The following PPP1R26 variants were observed in gnomAD, a reference collection of about 807,000 sequenced individuals.
PPP1R26 encodes 1A6/DRIM (down-regulated in metastasis) interacting protein.
A neutral mutation model predicts 67.6 loss-of-function variants in PPP1R26; 22 were observed. The ratio of observed to expected loss-of-function variants is 0.33; its 90% confidence interval spans 0.23 to 0.46. The LOEUF is 0.46. Ranked by LOEUF, PPP1R26 falls within the 20% of genes least tolerant of loss-of-function variation. The probability of loss-of-function intolerance (pLI) is 1.00; values close to 1 mark genes in which losing one functional copy is unlikely to be tolerated. For missense variants in PPP1R26, 1,602 were observed against 1,651.4 expected (o/e 0.97, Z 0.52); for synonymous variants, 729 against 717.2 (o/e 1.02, Z -0.26).
Position 135,484,471 on chromosome 9 carries a change from A to C in PPP1R26, c.-40A>C. ...CAGGATGTGAAGCCGGTAGAGAAATAAAGCATCGCCCCTCTGCGCGCCCCT... is the reference window on the plus strand; with the variant it reads ...CAGGATGTGAAGCCGGTAGAGAAATCAAGCATCGCCCCTCTGCGCGCCCCT... On this transcript the variant is annotated 5_prime_UTR_variant, in exon 4 of 4. Transcript: ENST00000356818. 1.4e-6 allele frequency: 2 copies of C among 1,476,548 alleles called. No individual in the cohort carries two copies. Among genetic ancestry groups the C allele is most frequent in the Non-Finnish European group, 1.8e-6 (2 of 1,093,606 alleles). The allele number at this position is 1,476,548 out of a possible 1,614,324, so 91.5% of individuals were successfully genotyped here. A position where few individuals can be genotyped will look rare whatever the true frequency, so the allele number is the denominator to read the frequency against.
Position 135,488,134 on chromosome 9 carries a change from G to A in PPP1R26, c.3624G>A (p.Lys1208=), listed in dbSNP as rs532065554. 7.5e-5 allele frequency: 113 copies of A among 1,509,332 alleles called. No homozygotes were observed. The East Asian group carries it at 2.2e-3, about 29-fold the overall frequency. 93.5% of individuals were successfully genotyped at this position (1,509,332 alleles called of 1,614,324 possible). ...ACAGTGGCGGCAGCTCAGTAGTGAA[G>A]GTCTAAGCCCTCGAGCTGTGGGTTC... is the stretch of plus-strand genomic sequence containing the variant. ...TEDSGGSSVV[K]V is the part of the protein sequence containing the mutation. Residue 1208 remains lysine, a synonymous_variant, in exon 4 of 4, where the codon AAG becomes AAA. Transcript: ENST00000356818.
intron 2 of PPP1R26, 116 bp downstream of exon 2, chr9:135,482,931 T>C (rs1355962137): frequency 5.1e-6 from 2 of 390,152 alleles, no homozygotes; most frequent in Non-Finnish European, 9.0e-6. Flanking sequence ...TTACCCCTTT[T>C]GGGCTCACCT....
chr9:135,481,523 G>T (rs1398681564), intron 1 of PPP1R26, among the ~76,000 whole-genome samples: 1 of 146,372 alleles, frequency 6.8e-6, no homozygotes, highest in Non-Finnish European at 1.5e-5. Flanking sequence ...TTACAGGTGT[G>T]AGCCACTATC....
rs778894346 is a variant in PPP1R26 at position 135,485,788 on chromosome 9, G to T, written c.1278G>T (p.Lys426Asn). 17 of 1,612,456 alleles carry T rather than the reference G, an allele frequency of 1.1e-5. No homozygotes were observed. The South Asian group carries it at 1.9e-4, about 18-fold the overall frequency. ...CCCACAGGAAAACACCCAGCAAGAA[G>T]AAGCTAGTGGCCACCAAGACCATGG... ...PETHRKTPSKKKLVATKTMDP... is the reference protein window; with the variant it reads ...PETHRKTPSKNKLVATKTMDP... Residue 426 changes from lysine to asparagine, a missense_variant, in exon 4 of 4, where the codon AAG becomes AAT. Lys to Asn is a moderately conservative substitution (Grantham distance 94). Around this residue, in one of 5 missense-constraint regions of PPP1R26, gnomAD observed 680 missense variants for 726.1 expected, o/e 0.94. Coordinates refer to ENST00000356818, the MANE Select transcript of PPP1R26 (RefSeq NM_014811.5). The surrounding 1 kb of genome is among the most constrained non-coding windows in gnomAD (Gnocchi z 7.2).
At chr9:135,481,676 T>C (rs1363798460) in intron 1 of PPP1R26, among the ~76,000 whole-genome samples, 1 of 151,800 alleles carries the variant, frequency 6.6e-6, no homozygotes, top group Non-Finnish European at 1.5e-5. Flanking sequence ...TGGAGTGCAG[T>C]GGCGCGATCT....
intron 3 of PPP1R26, 31 bp from the exon 4 acceptor site, chr9:135,484,418 C>A: frequency 1.7e-6 from 2 of 1,198,786 alleles, no homozygotes; most frequent in Non-Finnish European, 1.2e-6. Flanking sequence ...TTTGTAGCTG[C>A]ATCATGCCCA....
chr9:135,481,421 A>G (rs1021396146), intron 1 of PPP1R26, among the ~76,000 whole-genome samples: 5 of 151,664 alleles, frequency 3.3e-5, no homozygotes, highest in Middle Eastern at 3.4e-3. Flanking sequence ...ATGTGTTTTT[A>G]GTAGAGATGG....
chr9:135,487,947 C>T lies in PPP1R26; in HGVS notation c.3437C>T (p.Thr1146Ile), dbSNP rs1830822661. The stretch of plus-strand genomic sequence containing the variant: ...AAGAAGGACGGCGGCCCCTGGCCAA[C>T]CAGGAAGGCACAGGCAGGGCTGAGT... ...LAKKDGGPWP[T>I]RKAQAGLSLH... The change falls in exon 4 of 4, where the codon ACC (threonine) becomes ATC (isoleucine). Residue 1146 changes from threonine to isoleucine, a missense_variant. Transcript: ENST00000356818. 6.3e-7 allele frequency: 1 copy of T among 1,591,572 alleles called. No homozygotes were observed. The highest frequency in any genetic ancestry group is 1.4e-5 in the African/African-American group (1 of 73,994).
chr9:135,487,841 C>T lies in PPP1R26; in HGVS notation c.3331C>T (p.Leu1111=). Reference sequence around the variant, plus strand: ...CTTCAGCCCCCACCTGGGGCTGCCTCTGCAGGGCCCCTCCTTCTCGGCCTT... The same window carrying T: ...CTTCAGCCCCCACCTGGGGCTGCCTTTGCAGGGCCCCTCCTTCTCGGCCTT... The part of the protein sequence containing the change: ...GLFSPHLGLP[L]QGPSFSAFRE... Residue 1111 remains leucine (L), a synonymous_variant, in exon 4 of 4, where the codon CTG becomes TTG. Coordinates refer to ENST00000356818, the MANE Select transcript of PPP1R26 (RefSeq NM_014811.5). The T allele has an allele frequency of 6.3e-7, 1 of 1,595,284 alleles. No individual in the cohort carries two copies. The highest frequency in any genetic ancestry group is 8.5e-7 in the Non-Finnish European group (1 of 1,172,790).
Position 135,486,806 on chromosome 9 carries a change from G to T in PPP1R26, c.2296G>T (p.Gly766Trp). 6.2e-7 allele frequency: 1 copy of T among 1,604,522 alleles called. No homozygotes were observed. The highest frequency in any genetic ancestry group is 2.2e-5 in the East Asian group (1 of 44,542). ...CAAGAGAGACAGTGGCGAGGGTCCT[G>T]GGAAGAAACCCCCCAGTGTCTTTGG... The part of the protein sequence containing the change: ...KSKRDSGEGP[G>W]KKPPSVFGST... Residue 766 changes from glycine (G) to tryptophan (W), a missense_variant, in exon 4 of 4, where the codon GGG becomes TGG. Around this residue, in one of 5 missense-constraint regions of PPP1R26, gnomAD observed 740 missense variants for 696.3 expected, o/e 1.06. Transcript: ENST00000356818. This position sits in a 1 kb window ranked among gnomAD's most constrained non-coding sequence, Gnocchi z 6.2.
At position 135,486,174 on chromosome 9, in the gene PPP1R26, G is replaced by C; in HGVS notation, c.1664G>C (p.Gly555Ala). Residue 555 changes from glycine (G) to alanine (A), a missense_variant, in exon 4 of 4, where the codon GGT becomes GCT. By Grantham distance (60) the Gly-to-Ala change is moderately conservative. Transcript: ENST00000356818. The surrounding 1 kb of genome is among the most constrained non-coding windows in gnomAD (Gnocchi z 6.2). ...KAQSGSLLAR[G>A]ESCPQAAQGP... ...CAGTCAGGGAGTTTGCTGGCCAGAG[G>C]TGAGAGCTGCCCGCAGGCTGCCCAG... 1 of 1,613,054 alleles carries C rather than the reference G, an allele frequency of 6.2e-7. No homozygotes were observed.
Position 135,488,013 on chromosome 9 carries a change from T to C in PPP1R26, c.3503T>C (p.Leu1168Ser). Residue 1168 changes from leucine to serine, a missense_variant, in exon 4 of 4, where the codon TTA becomes TCA. This residue lies in a region of PPP1R26 where 740 missense variants were observed against 696.3 expected (regional missense o/e 1.06). Coordinates refer to ENST00000356818, the MANE Select transcript of PPP1R26 (RefSeq NM_014811.5). ...AGCTCGGGCTCGGAGGAAAGCATTT[T>C]AGACCTGAGGTATCGACGAAGGGTC... is the stretch of plus-strand genomic sequence containing the variant. ...RRSSGSEESI[L>S]DLRYRRRVNR... The C allele has an allele frequency of 6.2e-7, 1 of 1,611,924 alleles. No individual in the cohort carries two copies. Among genetic ancestry groups the C allele is most frequent in the Non-Finnish European group, 8.5e-7 (1 of 1,179,162 alleles).
chr9:135,486,840 C>A lies in PPP1R26; in HGVS notation c.2330C>A (p.Ala777Glu). Residue 777 changes from alanine (A) to glutamate (E), a missense_variant, in exon 4 of 4, where the codon GCA (alanine) becomes GAA (glutamate). Coordinates refer to ENST00000356818, the MANE Select transcript of PPP1R26 (RefSeq NM_014811.5). The surrounding 1 kb of genome is among the most constrained non-coding windows in gnomAD (Gnocchi z 6.2). ...KKPPSVFGSTAERMRQEGAAS... is the reference protein window; with the variant it reads ...KKPPSVFGSTEERMRQEGAAS... ...CCCCCCAGTGTCTTTGGCAGCACGG[C>A]AGAGAGGATGAGGCAGGAGGGTGCC... 6.2e-7 allele frequency: 1 copy of A among 1,611,076 alleles called. No individual in the cohort carries two copies. Among genetic ancestry groups the A allele is most frequent in the Non-Finnish European group, 8.5e-7 (1 of 1,179,276 alleles).
In PPP1R26 at chr9:135,485,873, G is replaced by C. The variant is rs146855291; in HGVS notation, c.1363G>C (p.Ala455Pro). 921 of 1,613,446 alleles carry C rather than the reference G, an allele frequency of 5.7e-4. No individual in the cohort carries two copies. Among genetic ancestry groups the C allele is most frequent in the Non-Finnish European group, 6.9e-4 (820 of 1,179,998 alleles). ...HAPKLLKETK[A>P]PPPASPASRS... ...CCCCAAGCTCCTGAAGGAAACCAAA[G>C]CTCCACCTCCAGCGAGCCCTGCTTC... Residue 455 changes from alanine (A) to proline (P), a missense_variant, in exon 4 of 4, where the codon GCT (alanine) becomes CCT (proline). Around this residue, in one of 5 missense-constraint regions of PPP1R26, gnomAD observed 680 missense variants for 726.1 expected, o/e 0.94. Coordinates refer to ENST00000356818, the MANE Select transcript of PPP1R26 (RefSeq NM_014811.5). The surrounding 1 kb of genome is among the most constrained non-coding windows in gnomAD (Gnocchi z 7.2).
At position 135,484,957 on chromosome 9, in the gene PPP1R26, G is replaced by T; in HGVS notation, c.447G>T (p.Gln149His). Residue 149 changes from glutamine to histidine, a missense_variant, in exon 4 of 4, where the codon CAG becomes CAT. Transcript: ENST00000356818. The part of the protein sequence containing the change: ...EYLKAKSGAA[Q>H]PGAGGAQPGA... ...TGAAGGCAAAGAGTGGAGCCGCACA[G>T]CCCGGGGCCGGCGGGGCCCAGCCAG... 2 of 1,579,356 alleles carry T rather than the reference G, an allele frequency of 1.3e-6. No homozygotes were observed. The highest frequency in any genetic ancestry group is 2.2e-5 in the East Asian group (1 of 44,538).
At position 135,484,734 on chromosome 9, in the gene PPP1R26, C is replaced by T; in HGVS notation, c.224C>T (p.Ala75Val). Reference sequence around the variant, plus strand: ...CGCGCCGCACAGAGGGGCCACAGGGCAGAGGGATGCCACGACGCCAGGCCG... The same window carrying T: ...CGCGCCGCACAGAGGGGCCACAGGGTAGAGGGATGCCACGACGCCAGGCCG... Reference protein sequence around the residue: ...DERAAQRGHRAEGCHDARPAA... With the variant: ...DERAAQRGHRVEGCHDARPAA... Residue 75 changes from alanine to valine, a missense_variant, in exon 4 of 4, where the codon GCA (alanine) becomes GTA (valine). Physicochemically the swap from Ala to Val is moderately conservative, Grantham distance 64. This residue lies in a region of PPP1R26 where 168 missense variants were observed against 176.1 expected (regional missense o/e 0.95). Coordinates refer to ENST00000356818, the MANE Select transcript of PPP1R26 (RefSeq NM_014811.5). 12 of 1,609,892 alleles carry T rather than the reference C, an allele frequency of 7.5e-6. No homozygotes were observed. Among genetic ancestry groups the T allele is most frequent in the Non-Finnish European group, 9.3e-6 (11 of 1,178,772 alleles).
rs1242420298 is a variant in PPP1R26, at chr9:135,479,936, GC to G, written c.-412del. On this transcript the variant is annotated 5_prime_UTR_variant, in exon 1 of 4. Coordinates refer to ENST00000356818, the MANE Select transcript of PPP1R26 (RefSeq NM_014811.5). The surrounding 1 kb of genome is among the most constrained non-coding windows in gnomAD (Gnocchi z 5.9). ...GAGCGCGCTGGCCCTGCAGCCTCCG[GC>G]CCGCCCCCGGCCCGCCGCCTCCCCC... 1.4e-5 allele frequency: 2 copies of G among 144,680 alleles called. No homozygotes were observed. Among genetic ancestry groups the G allele is most frequent in the Non-Finnish European group, 3.1e-5 (2 of 65,242 alleles). 9.0% of individuals were successfully genotyped at this position (144,680 alleles called of 1,614,324 possible). A position where few individuals can be genotyped will look rare whatever the true frequency, so the allele number is the denominator to read the frequency against.
chr9:135,481,042 T>A (rs1480038341), intron 1 of PPP1R26, among the ~76,000 whole-genome samples: 7 of 152,140 alleles, frequency 4.6e-5, no homozygotes, highest in Non-Finnish European at 1.0e-4. Flanking sequence ...AGAAGGTTGA[T>A]GTCTGGACCG....
chr9:135,479,485 C>T (rs1345614086), upstream of PPP1R26, among the ~76,000 whole-genome samples: 1 of 150,022 alleles, frequency 6.7e-6, no homozygotes, highest in Non-Finnish European at 1.5e-5. This position sits in a 1 kb window ranked among gnomAD's most constrained non-coding sequence, Gnocchi z 5.9. Context: ...AGGCGGGCAG[C>T]ACGGGGCTCG....
Sources: allele counts gnomAD v4.1 joint callset (sites outside exome capture counted in the v4.1 genomes callset), GRCh38; gene constraint gnomAD v4.1.1; regional missense constraint gnomAD v4.1.1; non-coding constraint Gnocchi (gnomAD v3.1); transcripts MANE v1.5; gene names NCBI Gene and HGNC (gene_info 2026-07-23, HGNC 2026-07-21).